The following GRIN2B variants were observed in gnomAD, a reference collection of about 807,000 sequenced individuals.
GRIN2B encodes the protein glutamate ionotropic receptor NMDA type subunit 2B, also known as glutamate receptor ionotropic, NMDA 2B.
In GRIN2B, 5 loss-of-function variants were observed where a neutral mutation model predicts 114.5. The ratio of observed to expected loss-of-function variants is 0.04; its 90% CI spans 0.02 to 0.09. GRIN2B has a LOEUF of 0.09. GRIN2B is among the 10% of genes least tolerant of loss of function. The pLI is 1.00. For missense variants in GRIN2B, 1,108 were observed against 1,943.5 expected (o/e 0.57, Z 8.08); for synonymous variants, 787 against 745.1 (o/e 1.06, Z -0.92).
At chr12:13,797,455 C>T (rs1864436706) in intron 3 of GRIN2B, among the ~76,000 whole-genome samples, 1 of 152,148 alleles carries the variant, frequency 6.6e-6, no homozygotes. Flanking sequence ...AATCTGTTCC[C>T]ATTTGGGCAG....
intron 10 of GRIN2B, among the ~76,000 whole-genome samples, chr12:13,607,264 A>T (rs866011929): frequency 8.2e-5 from 3 of 36,538 alleles, no homozygotes; most frequent in Non-Finnish European, 1.1e-4. Flanking sequence ...TATTATATAT[A>T]ATATATAAAA....
At chr12:13,874,000 C>T (rs1865954411) in intron 2 of GRIN2B, among the ~76,000 whole-genome samples, 1 of 152,168 alleles carries the variant, frequency 6.6e-6, no homozygotes, top group Admixed American at 6.5e-5. Context: ...TTATCCAAAT[C>T]TCTGAGCCAG....
chr12:13,795,890 C>T (rs1014083311), intron 3 of GRIN2B, among the ~76,000 whole-genome samples: 5 of 151,802 alleles, frequency 3.3e-5, no homozygotes, highest in African/African-American at 9.7e-5. Context: ...AATGAGAACA[C>T]GTGGACAAAG....
intron 4 of GRIN2B, among the ~76,000 whole-genome samples, chr12:13,738,402 G>C (rs902791761): frequency 1.3e-5 from 2 of 152,208 alleles, no homozygotes; most frequent in African/African-American, 4.8e-5. Flanking sequence ...CAGAGGAATT[G>C]AAATGCTGTT....
intron 2 of GRIN2B, among the ~76,000 whole-genome samples, chr12:13,901,234 G>A (rs1292081287): frequency 1.3e-5 from 2 of 152,126 alleles, no homozygotes; most frequent in East Asian, 3.9e-4. Flanking sequence ...GCTTCCTAAT[G>A]AGGTTGAACA....
At chr12:13,777,812 G>T (rs77350658) in intron 3 of GRIN2B, among the ~76,000 whole-genome samples, 29 of 152,316 alleles carry the variant, frequency 1.9e-4, no homozygotes, top group Non-Finnish European at 3.7e-4. Flanking sequence ...CTCTTCTTGG[G>T]CAGTCTTATT....
chr12:13,719,064 A>G (rs1950484992), intron 4 of GRIN2B, among the ~76,000 whole-genome samples: 1 of 151,930 alleles, frequency 6.6e-6, no homozygotes, highest in African/African-American at 2.4e-5. Flanking sequence ...ATTCTCCCCA[A>G]CAGCTCCTCA....
At chr12:13,898,925 G>C (rs550325758) in intron 2 of GRIN2B, among the ~76,000 whole-genome samples, 6 of 152,044 alleles carry the variant, frequency 3.9e-5, no homozygotes, top group Non-Finnish European at 7.4e-5. Flanking sequence ...AATAATAATA[G>C]CAACAACTAT....
At chr12:13,763,080 A>G (rs1030219195) in intron 3 of GRIN2B, among the ~76,000 whole-genome samples, 1 of 152,102 alleles carries the variant, frequency 6.6e-6, no homozygotes, top group Admixed American at 6.5e-5. Flanking sequence ...TGCATTTTGA[A>G]GGGCTCCAGA....
intron 5 of GRIN2B, among the ~76,000 whole-genome samples, chr12:13,645,562 G>A (rs900395359): frequency 6.6e-6 from 1 of 152,198 alleles, no homozygotes; most frequent in African/African-American, 2.4e-5. Context: ...TGCTCAATTT[G>A]TAAAAAACAC....
intron 3 of GRIN2B, among the ~76,000 whole-genome samples, chr12:13,843,281 T>C (rs1391398544): frequency 6.6e-6 from 1 of 151,736 alleles, no homozygotes; most frequent in Non-Finnish European, 1.5e-5. Context: ...ACTTTCCAAA[T>C]TTTGGTTGAC....
chr12:13,898,025 T>TAAATAAATAAATAAATAAAA, intron 2 of GRIN2B, among the ~76,000 whole-genome samples: 1 of 148,918 alleles, frequency 6.7e-6, no homozygotes, highest in East Asian at 2.0e-4. Context: ...AATAAATAAA[T>TAAATAAATAAATAAATAAAA]AAAAAAGAAA....
At chr12:13,616,245 G>A (rs2136480848) in intron 6 of GRIN2B, among the ~76,000 whole-genome samples, 1 of 152,274 alleles carries the variant, frequency 6.6e-6, no homozygotes, top group Non-Finnish European at 1.5e-5. Context: ...CTTTAGCGTG[G>A]GAAGTTGGCC....
At position 13,562,544 on chromosome 12, in the gene GRIN2B, G is replaced by A; in HGVS notation, c.*239C>T. On this transcript the variant is annotated 3_prime_UTR_variant, in exon 14 of 14. Coordinates refer to ENST00000609686, the MANE Select transcript of GRIN2B (RefSeq NM_000834.5). ...GAGGGCCCATGGCATCATCTCATGG[G>A]AACAGGAATGGCTGACAGCGGGGGG... 1.8e-6 allele frequency: 1 copy of A among 551,828 alleles called. No homozygotes were observed. The highest frequency in any genetic ancestry group is 3.1e-5 in the East Asian group (1 of 32,344). The allele number at this position is 551,828 out of a possible 1,614,324, so 34.2% of individuals were successfully genotyped here. A position where few individuals can be genotyped will look rare whatever the true frequency, so the allele number is the denominator to read the frequency against.
intron 3 of GRIN2B, among the ~76,000 whole-genome samples, chr12:13,857,913 G>A (rs758523320): frequency 6.6e-6 from 1 of 152,104 alleles, no homozygotes; most frequent in East Asian, 1.9e-4. Flanking sequence ...ACTAACGCTG[G>A]AGCAGCCACC....
At chr12:13,685,717 C>T (rs2268109) in intron 4 of GRIN2B, among the ~76,000 whole-genome samples, 57,928 of 152,010 alleles carry the variant, frequency 0.38, 11,239 homozygotes, top group African/African-American at 0.4. Context: ...ACCTACCATA[C>T]AGATAAAATC....
chr12:13,670,593 A>G (rs955380411), intron 5 of GRIN2B, among the ~76,000 whole-genome samples: 2 of 152,188 alleles, frequency 1.3e-5, no homozygotes, highest in Admixed American at 6.5e-5. Flanking sequence ...CAGAAGCCTT[A>G]AAGCTTGTTG....
chr12:13,780,237 C>T (rs572053264), intron 3 of GRIN2B, among the ~76,000 whole-genome samples: 26 of 151,876 alleles, frequency 1.7e-4, no homozygotes, highest in African/African-American at 6.0e-4. Context: ...GTGATAAGCA[C>T]AATTTTTATT....
chr12:13,601,255 G>T (rs1591633046), intron 10 of GRIN2B, among the ~76,000 whole-genome samples: 1 of 152,226 alleles, frequency 6.6e-6, no homozygotes, highest in East Asian at 1.9e-4. Flanking sequence ...TAGCTGGGCA[G>T]TGCTTCTTCC....
Sources: allele counts gnomAD v4.1 joint callset (sites outside exome capture counted in the v4.1 genomes callset), GRCh38; gene constraint gnomAD v4.1.1; transcripts MANE v1.5; gene names NCBI Gene and HGNC (gene_info 2026-07-23, HGNC 2026-07-21).